The following TRIM6 variants were observed in gnomAD, a reference collection of about 807,000 sequenced individuals.
TRIM6 encodes the protein tripartite motif-containing protein 6.
Under a neutral mutation model 51.2 loss-of-function variants are expected in TRIM6, and 43 were observed. The observed-to-expected ratio is 0.84, with a 90% CI of 0.66 to 1.08. The LOEUF is 1.08. Ranked by LOEUF, TRIM6 falls within the 50% of genes least tolerant of loss-of-function variation. TRIM6 has a pLI of 0.00. For synonymous variants in TRIM6, 215 were observed against 232.4 expected, an observed-to-expected ratio of 0.93 and a Z score of 0.68; for missense variants, 669 against 619.0, an observed-to-expected ratio of 1.08 and a Z score of -0.86.
chr11:5,604,939 CAAATGCAAGGGA>C, intron 3 of TRIM6: 1 of 445,148 alleles, frequency 2.2e-6, no homozygotes. Context: ...ATTCAGAGTA[CAAATGCAAGGGA>C]AAATGCAGGT....
chr11:5,607,295 C>T (rs948199215), intron 4 of TRIM6, among the ~76,000 whole-genome samples: 1 of 152,086 alleles, frequency 6.6e-6, no homozygotes. Context: ...AATAGCACAT[C>T]GATTTGATCA....
At chr11:5,603,220 C>CTTTT (rs1168078207) in intron 1 of TRIM6, 26 bp from the exon 2 acceptor site, 1 of 1,601,010 alleles carries the variant, frequency 6.2e-7, no homozygotes. Context: ...TACCCTGATC[C>CTTTT]TTTTTTTGTT....
chr11:5,608,095 A>G (rs11038330), intron 4 of TRIM6, among the ~76,000 whole-genome samples: 12,561 of 152,272 alleles, frequency 0.082, 551 homozygotes, highest in South Asian at 0.12. Flanking sequence ...ATGCCTGACA[A>G]ATAATACATG....
chr11:5,602,180 C>T (rs1847898986), intron 1 of TRIM6, among the ~76,000 whole-genome samples: 1 of 152,188 alleles, frequency 6.6e-6, no homozygotes, highest in South Asian at 2.1e-4. Flanking sequence ...GTGGCTCATG[C>T]CTGTAGTCCC....
rs1167324421 is a variant in TRIM6, at chr11:5,608,398, T to C, written c.857+4T>C. The stretch of plus-strand genomic sequence containing the variant: ...ATGTGAGTGATGTCACAGAAAGGTA[T>C]GTGTAAGGAGAACATGAGGTAGTTC... On this transcript the variant is annotated splice_donor_region_variant and intron_variant, in intron 5 of 7. Transcript: ENST00000380097. The C allele has an allele frequency of 1.9e-6, 3 of 1,613,608 alleles. No individual in the cohort carries two copies. The highest frequency in any genetic ancestry group is 2.5e-6 in the Non-Finnish European group (3 of 1,179,798).
intron 2 of TRIM6, 102 bp downstream of exon 2, chr11:5,603,837 C>G: frequency 2.7e-6 from 4 of 1,478,146 alleles, no homozygotes; most frequent in Non-Finnish European, 3.6e-6. Context: ...CTTTATTTAC[C>G]TAGAGAATGA....
rs1001803276 is a variant in TRIM6 at position 5,611,098 on chromosome 11, A to G, written c.1307A>G (p.His436Arg). 1 of 1,614,074 alleles carries G rather than the reference A, an allele frequency of 6.2e-7. No individual in the cohort carries two copies. Among genetic ancestry groups the G allele is most frequent in the Admixed American group, 1.7e-5 (1 of 60,006 alleles). Reference sequence around the variant, plus strand: ...GGATACTGGGTGATTGGGTTACAGCATAACCATGAATATAGGGCCTATGAG... The same window carrying G: ...GGATACTGGGTGATTGGGTTACAGCGTAACCATGAATATAGGGCCTATGAG... Reference protein sequence around the residue: ...QSGYWVIGLQHNHEYRAYEDS... With the variant: ...QSGYWVIGLQRNHEYRAYEDS... The change falls in exon 8 of 8, where the codon CAT becomes CGT. Residue 436 changes from histidine to arginine, a missense_variant. Coordinates refer to ENST00000380097, the MANE Select transcript of TRIM6 (RefSeq NM_001003818.3).
chr11:5,596,543 T>TCCCCCCTCCCCCTC (rs1554908489), upstream of TRIM6: 1 of 24,648 alleles, frequency 4.1e-5, no homozygotes, highest in Admixed American at 4.9e-4. Context: ...CCTTCCCCCT[T>TCCCCCCTCCCCCTC]CCCCCTTCCC....
chr11:5,605,995 C>T (rs1441729142), intron 4 of TRIM6, among the ~76,000 whole-genome samples: 1 of 152,162 alleles, frequency 6.6e-6, no homozygotes, highest in Non-Finnish European at 1.5e-5. Flanking sequence ...ATGTGACAAC[C>T]CCAAATTTCT....
intron 4 of TRIM6, among the ~76,000 whole-genome samples, chr11:5,606,563 A>C (rs1221537768): frequency 6.6e-6 from 1 of 151,986 alleles, no homozygotes; most frequent in Non-Finnish European, 1.5e-5. Flanking sequence ...ATGGGTAGCT[A>C]CTTTCTGCCT....
intron 1 of TRIM6, among the ~76,000 whole-genome samples, chr11:5,600,684 C>T (rs1332184257): frequency 2.1e-5 from 2 of 94,204 alleles, no homozygotes; most frequent in Non-Finnish European, 4.7e-5. Context: ...TGTGTTGAGG[C>T]CCACACGGAC....
rs1848086956 is a variant in TRIM6, at chr11:5,604,527, C to T, written c.508-7C>T. The T allele has an allele frequency of 6.8e-6, 11 of 1,608,082 alleles. No homozygotes were observed. The highest frequency in any genetic ancestry group is 9.3e-6 in the Non-Finnish European group (11 of 1,177,528). On this transcript the variant is annotated splice_polypyrimidine_tract_variant and splice_region_variant and intron_variant, in intron 2 of 7. Coordinates refer to ENST00000380097, the MANE Select transcript of TRIM6 (RefSeq NM_001003818.3). ...GATCCTGCTTGACCTGATTTGTTTT[C>T]TTCAAGGAGAAGTTTCAGGAGTCTC...
At chr11:5,610,471 G>C in intron 6 of TRIM6, 64 bp from the exon 7 acceptor site, 1 of 1,612,920 alleles carries the variant, frequency 6.2e-7, no homozygotes, top group South Asian at 1.1e-5. Flanking sequence ...GTAGTAAGGA[G>C]AGAGATACCA....
Position 5,608,352 on chromosome 11 carries a change from CCTGT to C in TRIM6, c.835-17_835-14del, listed in dbSNP as rs776145214. On this transcript the variant is annotated splice_polypyrimidine_tract_variant and intron_variant, in intron 4 of 7. Transcript: ENST00000380097. ...CATGACCTGTTACTCCTTGACTTAA[CCTGT>C]CTTTTTCCTTCCTAGGATGTGAGTG... 9 of 1,613,206 alleles carry C rather than the reference CCTGT, an allele frequency of 5.6e-6. No homozygotes were observed. The highest frequency in any genetic ancestry group is 4.5e-5 in the East Asian group (2 of 44,838).
chr11:5,603,481 C>T lies in TRIM6; in HGVS notation c.253C>T (p.Pro85Ser), dbSNP rs576647058. 1.2e-6 allele frequency: 2 copies of T among 1,613,898 alleles called. No homozygotes were observed. Among genetic ancestry groups the T allele is most frequent in the Non-Finnish European group, 1.7e-6 (2 of 1,180,030 alleles). ...VIGQEGERSC[P>S]VCQTSYQPGN... ...TGGTCAAGAAGGGGAAAGAAGCTGCCCTGTGTGCCAGACCAGCTACCAGCC... is the reference window on the plus strand; with the variant it reads ...TGGTCAAGAAGGGGAAAGAAGCTGCTCTGTGTGCCAGACCAGCTACCAGCC... Residue 85 changes from proline to serine, a missense_variant, in exon 2 of 8, where the codon CCT becomes TCT. Pro to Ser is a moderately conservative substitution (Grantham distance 74, BLOSUM62 -1). Transcript: ENST00000380097.
chr11:5,600,380 GAGCATCGCTGCTGCTA>G (rs143777426), intron 1 of TRIM6, among the ~76,000 whole-genome samples: 2,371 of 152,286 alleles, frequency 0.016, 58 homozygotes, highest in African/African-American at 0.054. Flanking sequence ...TATTTGCTGT[GAGCATCGCTGCTGCTA>G]AGCATGGCAA....
At position 5,611,078 on chromosome 11, in the gene TRIM6, CTGGGTGAT is replaced by C. The variant is rs1199990395; in HGVS notation, c.1293_1300del (p.Ile432ThrfsTer3). The C allele has an allele frequency of 6.2e-7, 1 of 1,614,192 alleles. No individual in the cohort carries two copies. Among genetic ancestry groups the C allele is most frequent in the Non-Finnish European group, 8.5e-7 (1 of 1,180,024 alleles). On this transcript the variant is annotated frameshift_variant, in exon 8 of 8. Transcript: ENST00000380097. LOFTEE classifies it high-confidence loss of function. ...CCAGGTATCAGCCTCAGAGTGGATA[CTGGGTGAT>C]TGGGTTACAGCATAACCATGAATAT...
intron 2 of TRIM6, 117 bp downstream of exon 2, chr11:5,603,852 G>C: frequency 6.9e-7 from 1 of 1,451,944 alleles, no homozygotes; most frequent in South Asian, 1.5e-5. Flanking sequence ...GAATGAACCT[G>C]GAAACTGCCT....
chr11:5,597,017 CT>C, intron 1 of TRIM6, 103 bp downstream of exon 1: 1 of 1,570,478 alleles, frequency 6.4e-7, no homozygotes, highest in East Asian at 2.3e-5. Context: ...CTCATTATAT[CT>C]TTATTTCTTT....
Sources: allele counts gnomAD v4.1 joint callset (sites outside exome capture counted in the v4.1 genomes callset), GRCh38; gene constraint gnomAD v4.1.1; transcripts MANE v1.5; gene names NCBI Gene and HGNC (gene_info 2026-07-23, HGNC 2026-07-21).